Variants in MMP16 observed in about 807,000 individuals in gnomAD.
MMP16 encodes the protein matrix metallopeptidase 16.
In MMP16, 12 loss-of-function variants were observed where a neutral mutation model predicts 67.8. The ratio of observed to expected loss-of-function variants is 0.18; its 90% CI spans 0.11 to 0.29. MMP16 has a LOEUF of 0.29. Among genes scored for constraint, MMP16 ranks in the 10% least tolerant of loss-of-function variants. The pLI, the probability that MMP16 is intolerant of heterozygous loss-of-function variation, is 1.00. For missense variants in MMP16, 475 were observed against 765.7 expected (o/e 0.62, Z 4.48); for synonymous variants, 249 against 255.9 (o/e 0.97, Z 0.26).
intron 1 of MMP16, among the ~76,000 whole-genome samples, chr8:88,222,153 A>G (rs1294234916): frequency 1.3e-5 from 2 of 152,034 alleles, no homozygotes; most frequent in Non-Finnish European, 2.9e-5. Context: ...ATTGTAGAAA[A>G]ACAAGTGTGT....
intron 1 of MMP16, among the ~76,000 whole-genome samples, chr8:88,260,058 G>A (rs1329151910): frequency 1.3e-5 from 2 of 152,056 alleles, no homozygotes; most frequent in African/African-American, 4.8e-5. Context: ...TTCAAAAAAT[G>A]CACAATATGA....
chr8:88,189,619 A>G (rs570070616), intron 2 of MMP16, among the ~76,000 whole-genome samples: 1 of 152,212 alleles, frequency 6.6e-6, no homozygotes, highest in Admixed American at 6.5e-5. Context: ...CTTTGTAGAA[A>G]GAATCTGATT....
chr8:88,118,876 A>C lies in MMP16; in HGVS notation c.710-15T>G. The C allele has an allele frequency of 1.2e-6, 2 of 1,610,096 alleles. No homozygotes were observed. Among genetic ancestry groups the C allele is most frequent in the Non-Finnish European group, 1.7e-6 (2 of 1,178,108 alleles). ...TAAGTCATTTCCTGTGTGAACAAGA[A>C]GAAAATAAGTTTTTGTAACTAATAT... On this transcript the variant is annotated splice_polypyrimidine_tract_variant and intron_variant, in intron 4 of 9. Transcript: ENST00000286614.
intron 6 of MMP16, among the ~76,000 whole-genome samples, chr8:88,105,782 A>T (rs1404021348): frequency 6.6e-6 from 1 of 151,450 alleles, no homozygotes; most frequent in Non-Finnish European, 1.5e-5. Context: ...GATTAAAGAC[A>T]CAGATGCATC....
At chr8:88,116,831 G>C in intron 5 of MMP16, 113 bp from the exon 6 acceptor site, 1 of 940,608 alleles carries the variant, frequency 1.1e-6, no homozygotes, top group Non-Finnish European at 1.6e-6. Context: ...ACTGAACTAA[G>C]AGGTCTTTAA....
At chr8:88,099,155 T>C (rs996166025) in intron 6 of MMP16, among the ~76,000 whole-genome samples, 3 of 151,678 alleles carry the variant, frequency 2.0e-5, no homozygotes, top group Non-Finnish European at 4.4e-5. Flanking sequence ...AAAAAGAATA[T>C]AAGAATTTTT....
At chr8:88,255,906 A>C (rs1008736117) in intron 1 of MMP16, among the ~76,000 whole-genome samples, 1 of 152,136 alleles carries the variant, frequency 6.6e-6, no homozygotes, top group Non-Finnish European at 1.5e-5. Context: ...TCATGGCTTT[A>C]GGGAACTTTT....
At chr8:88,293,615 A>G (rs1810959754) in intron 1 of MMP16, among the ~76,000 whole-genome samples, 1 of 152,004 alleles carries the variant, frequency 6.6e-6, no homozygotes, top group African/African-American at 2.4e-5. Context: ...CTTTTTAAAC[A>G]TATACTATAT....
chr8:88,132,862 G>A (rs759233749), intron 4 of MMP16, among the ~76,000 whole-genome samples: 5 of 151,842 alleles, frequency 3.3e-5, no homozygotes, highest in Non-Finnish European at 5.9e-5. Context: ...ACCACTTGAA[G>A]CAATTTCTGG....
chr8:88,122,793 GTT>G (rs1807861004), intron 4 of MMP16, among the ~76,000 whole-genome samples: 1 of 151,276 alleles, frequency 6.6e-6, no homozygotes, highest in Admixed American at 6.6e-5. Flanking sequence ...TTGTATCAGG[GTT>G]TTATCAGTTT....
At chr8:88,124,771 T>C (rs896336607) in intron 4 of MMP16, among the ~76,000 whole-genome samples, 1 of 151,952 alleles carries the variant, frequency 6.6e-6, no homozygotes, top group Non-Finnish European at 1.5e-5. Context: ...AACCAAAATG[T>C]ACTTTCTCAT....
intron 6 of MMP16, among the ~76,000 whole-genome samples, chr8:88,103,641 A>C (rs1170923130): frequency 1.4e-4 from 22 of 151,754 alleles, no homozygotes; most frequent in Non-Finnish European, 1.5e-5. Flanking sequence ...CTCTGTGCTA[A>C]CTGCCTTTTA....
chr8:88,056,264 C>T lies in MMP16; in HGVS notation c.1237G>A (p.Val413Met), dbSNP rs771047374. 9 of 1,562,828 alleles carry T rather than the reference C, an allele frequency of 5.8e-6. No individual in the cohort carries two copies. The highest frequency in any genetic ancestry group is 1.4e-5 in the African/African-American group (1 of 73,554). Reference sequence around the variant, plus strand: ...GGTTGAAGAGTTGTATCCTTGAACACCCAATATTTGTTACCTGTATGGAAT... The same window carrying T: ...GGTTGAAGAGTTGTATCCTTGAACATCCAATATTTGTTACCTGTATGGAAT... ...FVFFKGNKYW[V>M]FKDTTLQPGY... The change falls in exon 8 of 10, where the codon GTG becomes ATG. Residue 413 changes from valine to methionine, a missense_variant. This residue lies in a region of MMP16 where 195 missense variants were observed against 300.9 expected (regional missense o/e 0.65). Coordinates refer to ENST00000286614, the MANE Select transcript of MMP16 (RefSeq NM_005941.5).
chr8:88,071,782 A>G (rs990282036), intron 7 of MMP16, among the ~76,000 whole-genome samples: 8 of 152,136 alleles, frequency 5.3e-5, no homozygotes, highest in African/African-American at 1.9e-4. Context: ...CTGCTTCTGT[A>G]TGGCCCATGA....
At chr8:88,248,245 A>G (rs1046504484) in intron 1 of MMP16, among the ~76,000 whole-genome samples, 5 of 152,132 alleles carry the variant, frequency 3.3e-5, no homozygotes, top group Admixed American at 3.3e-4. Flanking sequence ...TGAAGTAAGC[A>G]TATTGAATAT....
At chr8:88,235,299 G>A (rs936878033) in intron 1 of MMP16, among the ~76,000 whole-genome samples, 1 of 151,264 alleles carries the variant, frequency 6.6e-6, no homozygotes, top group Non-Finnish European at 1.5e-5. Context: ...GGCAGAGGCA[G>A]GAGAATCGCT....
intron 7 of MMP16, among the ~76,000 whole-genome samples, chr8:88,072,403 C>T (rs112831539): frequency 2.2e-4 from 33 of 152,000 alleles, no homozygotes; most frequent in African/African-American, 7.7e-4. Context: ...CTTTATTGAG[C>T]GGGAGAGCTA....
intron 3 of MMP16, among the ~76,000 whole-genome samples, chr8:88,174,668 T>C (rs1808857528): frequency 6.6e-6 from 1 of 152,090 alleles, no homozygotes; most frequent in Non-Finnish European, 1.5e-5. Flanking sequence ...CCCCCTTAAA[T>C]ACACTTGCCA....
chr8:88,182,701 CCTT>C (rs1483017285), intron 3 of MMP16, among the ~76,000 whole-genome samples: 1 of 152,124 alleles, frequency 6.6e-6, no homozygotes, highest in East Asian at 1.9e-4. Flanking sequence ...CAATGACACT[CCTT>C]GATATTTATC....
Sources: gnomAD v4.1 joint callset for allele counts (sites outside exome capture counted in the v4.1 genomes callset) on GRCh38, gnomAD v4.1.1 for gene constraint, gnomAD v4.1.1 regional missense constraint, MANE v1.5 for transcripts, NCBI Gene and HGNC (gene_info 2026-07-23, HGNC 2026-07-21) for gene names.